Variants in CYSLTR2 observed in about 807,000 individuals in gnomAD.
The protein encoded by CYSLTR2 is G-protein coupled receptor GPCR21.
For synonymous variants in CYSLTR2, 179 were observed against 160.8 expected (o/e 1.11, Z -0.86); for missense variants, 398 against 411.9 (o/e 0.97, Z 0.29).
At chr13:48,690,690 A>C (rs1954016304) in intron 1 of CYSLTR2, among the ~76,000 whole-genome samples, 1 of 152,168 alleles carries the variant, frequency 6.6e-6, no homozygotes, top group Admixed American at 6.5e-5. Context: ...ATTGATGTTC[A>C]TCAGGGAAAT....
intron 1 of CYSLTR2, among the ~76,000 whole-genome samples, chr13:48,688,209 A>G (rs1225776020): frequency 2.0e-5 from 3 of 152,110 alleles, no homozygotes; most frequent in African/African-American, 4.8e-5. Flanking sequence ...CAGCTTCCCA[A>G]GTATCTGAGA....
chr13:48,700,125 T>C (rs1425842674), intron 4 of CYSLTR2, among the ~76,000 whole-genome samples: 1 of 152,190 alleles, frequency 6.6e-6, no homozygotes, highest in Non-Finnish European at 1.5e-5. Flanking sequence ...TCTGAAACTA[T>C]TCCAATCAAT....
intron 1 of CYSLTR2, among the ~76,000 whole-genome samples, chr13:48,681,734 G>T (rs976855586): frequency 1.3e-5 from 2 of 152,202 alleles, no homozygotes; most frequent in Admixed American, 6.5e-5. Context: ...ATCCCAGCAA[G>T]GGAGGAGTCC....
intron 1 of CYSLTR2, among the ~76,000 whole-genome samples, chr13:48,689,627 C>A (rs564916201): frequency 6.7e-6 from 1 of 149,006 alleles, no homozygotes; most frequent in African/African-American, 2.4e-5. Flanking sequence ...TGTTTTTGTG[C>A]CAGTACCACT....
intron 1 of CYSLTR2, among the ~76,000 whole-genome samples, chr13:48,659,905 T>G (rs1301782782): frequency 1.3e-5 from 2 of 152,192 alleles, no homozygotes; most frequent in Non-Finnish European, 2.9e-5. Flanking sequence ...ATCAGCATCA[T>G]AGACTCATGT....
At chr13:48,687,679 C>A (rs1351692904) in intron 1 of CYSLTR2, among the ~76,000 whole-genome samples, 1 of 152,176 alleles carries the variant, frequency 6.6e-6, no homozygotes, top group African/African-American at 2.4e-5. Flanking sequence ...AGAGTTCTCT[C>A]AAGTAGCCTG....
intron 1 of CYSLTR2, among the ~76,000 whole-genome samples, chr13:48,680,172 A>G (rs960924779): frequency 6.6e-5 from 10 of 152,160 alleles, no homozygotes; most frequent in Non-Finnish European, 1.2e-4. Context: ...GTTTGAGTCA[A>G]TGTGTCTTCA....
At chr13:48,673,607 AT>A (rs1953511173) in intron 1 of CYSLTR2, among the ~76,000 whole-genome samples, 1 of 151,940 alleles carries the variant, frequency 6.6e-6, no homozygotes, top group Non-Finnish European at 1.5e-5. Flanking sequence ...TAATTGGGGC[AT>A]TTAGCCCATT....
At chr13:48,675,117 T>C (rs545553806) in intron 1 of CYSLTR2, among the ~76,000 whole-genome samples, 2 of 152,100 alleles carry the variant, frequency 1.3e-5, no homozygotes, top group South Asian at 2.1e-4. Context: ...ACCCATGGGG[T>C]TCAGGGATCC....
chr13:48,668,718 A>T (rs1953335161), intron 1 of CYSLTR2, among the ~76,000 whole-genome samples: 2 of 152,002 alleles, frequency 1.3e-5, no homozygotes, highest in Admixed American at 6.6e-5. Flanking sequence ...TCAACCTGTC[A>T]TCTACATTAG....
intron 1 of CYSLTR2, among the ~76,000 whole-genome samples, chr13:48,671,506 A>G (rs1030335539): frequency 2.0e-5 from 3 of 152,190 alleles, no homozygotes; most frequent in Non-Finnish European, 4.4e-5. Flanking sequence ...AATTTTATCA[A>G]AGGCCTTTTC....
intron 1 of CYSLTR2, among the ~76,000 whole-genome samples, chr13:48,667,543 T>G (rs1953297341): frequency 6.6e-6 from 1 of 152,184 alleles, no homozygotes; most frequent in Non-Finnish European, 1.5e-5. Flanking sequence ...CCTGGGGACA[T>G]GCCTTCCAGG....
chr13:48,675,529 G>A (rs894847816), intron 1 of CYSLTR2, among the ~76,000 whole-genome samples: 7 of 152,184 alleles, frequency 4.6e-5, no homozygotes, highest in African/African-American at 1.4e-4. Context: ...TCAGACTGCT[G>A]CTGTGCTGGC....
At chr13:48,685,604 G>A (rs541936360) in intron 1 of CYSLTR2, among the ~76,000 whole-genome samples, 1 of 152,172 alleles carries the variant, frequency 6.6e-6, no homozygotes, top group South Asian at 2.1e-4. Flanking sequence ...GCTTGGAAAT[G>A]CTGATGTACC....
intron 1 of CYSLTR2, among the ~76,000 whole-genome samples, chr13:48,667,474 A>G (rs774164687): frequency 3.3e-5 from 5 of 152,148 alleles, no homozygotes; most frequent in Non-Finnish European, 7.4e-5. Flanking sequence ...GCCTGAGGGA[A>G]CATCTGCTGG....
intron 1 of CYSLTR2, among the ~76,000 whole-genome samples, chr13:48,672,619 T>TC (rs769727738): frequency 1.5e-5 from 1 of 68,958 alleles, no homozygotes; most frequent in Non-Finnish European, 2.3e-5. Context: ...TTCTTTTCTT[T>TC]TTTTTTTTTT....
At chr13:48,654,296 T>A (rs867590869) in intron 1 of CYSLTR2, among the ~76,000 whole-genome samples, 568 of 67,640 alleles carry the variant, frequency 8.4e-3, no homozygotes, top group African/African-American at 0.024. Flanking sequence ...TGTGTGTGTG[T>A]GTGTGTGTGA....
chr13:48,688,298 G>T (rs1953948434), intron 1 of CYSLTR2, among the ~76,000 whole-genome samples: 1 of 151,782 alleles, frequency 6.6e-6, no homozygotes, highest in Non-Finnish European at 1.5e-5. Flanking sequence ...TTAAGTTATG[G>T]GCTACATGTG....
chr13:48,666,316 C>A (rs1485254376), intron 1 of CYSLTR2, among the ~76,000 whole-genome samples: 2 of 152,054 alleles, frequency 1.3e-5, no homozygotes, highest in African/African-American at 4.8e-5. Flanking sequence ...TCTTCTCTTG[C>A]TGCTTTTAAA....
Sources: allele counts gnomAD v4.1 joint callset (sites outside exome capture counted in the v4.1 genomes callset), GRCh38; gene constraint gnomAD v4.1.1; transcripts MANE v1.5; gene names NCBI Gene and HGNC (gene_info 2026-07-23, HGNC 2026-07-21).